Variants in MPPED2 observed in about 807,000 individuals in gnomAD.
MPPED2 encodes the protein metallophosphoesterase domain containing 2.
MPPED2 carries 5 observed loss-of-function variants against 33.0 expected under a neutral mutation model. That is an observed-to-expected ratio of 0.15 (90% CI 0.08 to 0.32). MPPED2 has a LOEUF of 0.32. Ranked by LOEUF, MPPED2 falls within the 10% of genes least tolerant of loss-of-function variation. The pLI, the probability that MPPED2 is intolerant of heterozygous loss-of-function variation, is 1.00. For synonymous variants in MPPED2, 136 were observed against 141.9 expected (o/e 0.96, Z 0.29); for missense variants, 275 against 372.1 (o/e 0.74, Z 2.15).
intron 4 of MPPED2, among the ~76,000 whole-genome samples, chr11:30,484,873 C>T (rs936859931): frequency 6.6e-6 from 1 of 152,284 alleles, no homozygotes; most frequent in African/African-American, 2.4e-5. Flanking sequence ...CACCAATACA[C>T]AAACAGGGGT....
intron 4 of MPPED2, among the ~76,000 whole-genome samples, chr11:30,462,086 A>G (rs554290583): frequency 4.3e-4 from 65 of 152,326 alleles, no homozygotes; most frequent in African/African-American, 1.5e-3. Flanking sequence ...TCAATACAAT[A>G]ATCTGCGTTA....
chr11:30,435,953 C>T (rs1417863472), intron 4 of MPPED2, among the ~76,000 whole-genome samples: 2 of 151,948 alleles, frequency 1.3e-5, no homozygotes, highest in Non-Finnish European at 2.9e-5. Flanking sequence ...AACCAAGAGA[C>T]CTGGGTTTGC....
intron 4 of MPPED2, among the ~76,000 whole-genome samples, chr11:30,458,384 C>G (rs1263241794): frequency 2.0e-5 from 3 of 152,070 alleles, no homozygotes; most frequent in Non-Finnish European, 4.4e-5. Context: ...TTGGAGTCTC[C>G]CTAAGTTTCA....
At chr11:30,409,738 CT>C (rs1385665559), downstream of MPPED2, among the ~76,000 whole-genome samples, 1 of 152,120 alleles carries the variant, frequency 6.6e-6, no homozygotes, top group Non-Finnish European at 1.5e-5. Flanking sequence ...TGGGTGATGT[CT>C]TTTTTATTTT....
intron 3 of MPPED2, among the ~76,000 whole-genome samples, chr11:30,517,017 AAAC>A (rs1708605576): frequency 6.6e-6 from 1 of 152,208 alleles, no homozygotes. Context: ...AATGGCGATA[AAAC>A]AACAACAAAA....
chr11:30,480,881 C>G (rs1048059425), intron 4 of MPPED2, among the ~76,000 whole-genome samples: 1 of 152,034 alleles, frequency 6.6e-6, no homozygotes, highest in South Asian at 2.1e-4. Context: ...AACTATCACT[C>G]AGTTAGCCCA....
chr11:30,470,510 T>A (rs71482070), intron 4 of MPPED2, among the ~76,000 whole-genome samples: 11,669 of 152,166 alleles, frequency 0.077, 578 homozygotes, highest in Non-Finnish European at 0.11. Context: ...GATGAAAACA[T>A]CCTAAAATTG....
chr11:30,548,085 C>A (rs1955520794), intron 2 of MPPED2, among the ~76,000 whole-genome samples: 1 of 152,206 alleles, frequency 6.6e-6, no homozygotes, highest in African/African-American at 2.4e-5. Context: ...ATGGCTTTCC[C>A]ACTACCTGGG....
At chr11:30,556,330 A>G (rs1312178472) in intron 2 of MPPED2, among the ~76,000 whole-genome samples, 1 of 152,080 alleles carries the variant, frequency 6.6e-6, no homozygotes, top group Non-Finnish European at 1.5e-5. Flanking sequence ...CCAACCTCCA[A>G]ACAATGAATT....
Position 30,417,511 on chromosome 11 carries a change from C to T in MPPED2, c.652+7G>A, listed in dbSNP as rs375647995. ...GGATGACAAAGGACAACCTTTGCTT[C>T]ACTTACCTAGAGGAGGTCCATGTGT... On this transcript the variant is annotated splice_region_variant and intron_variant, in intron 5 of 6. Transcript: ENST00000358117. The T allele has an allele frequency of 2.6e-6, 4 of 1,559,130 alleles. No homozygotes were observed. Among genetic ancestry groups the T allele is most frequent in the Non-Finnish European group, 2.7e-6 (3 of 1,131,760 alleles).
At chr11:30,408,344 T>G (rs1948022292), downstream of MPPED2, among the ~76,000 whole-genome samples, 1 of 152,142 alleles carries the variant, frequency 6.6e-6, no homozygotes, top group Non-Finnish European at 1.5e-5. Flanking sequence ...AGAGTTTTGC[T>G]CATCTCCCAG....
intron 4 of MPPED2, among the ~76,000 whole-genome samples, chr11:30,421,086 G>A (rs1948590500): frequency 6.6e-6 from 1 of 152,134 alleles, no homozygotes; most frequent in African/African-American, 2.4e-5. Flanking sequence ...CAAGTCTCAA[G>A]CACACTCAGG....
At chr11:30,451,013 C>T (rs1950035264) in intron 4 of MPPED2, among the ~76,000 whole-genome samples, 1 of 152,154 alleles carries the variant, frequency 6.6e-6, no homozygotes, top group South Asian at 2.1e-4. Flanking sequence ...TCTGTGAGCA[C>T]AATTGTATCA....
intron 4 of MPPED2, among the ~76,000 whole-genome samples, chr11:30,426,718 C>CT (rs368277055): frequency 1.3e-5 from 2 of 152,174 alleles, no homozygotes; most frequent in African/African-American, 4.8e-5. Flanking sequence ...CTTTGGCCTT[C>CT]TTTTTTAAAT....
intron 4 of MPPED2, among the ~76,000 whole-genome samples, chr11:30,442,469 G>A (rs1949622155): frequency 6.6e-6 from 1 of 152,156 alleles, no homozygotes; most frequent in African/African-American, 2.4e-5. Flanking sequence ...ACCATATCAA[G>A]GTCTGATCAG....
chr11:30,407,730 G>C (rs1948011981), downstream of MPPED2, among the ~76,000 whole-genome samples: 1 of 152,042 alleles, frequency 6.6e-6, no homozygotes, highest in Admixed American at 6.6e-5. Flanking sequence ...AATTAGCTGG[G>C]CGCGGTGGCA....
At chr11:30,463,160 G>A (rs1033261436) in intron 4 of MPPED2, among the ~76,000 whole-genome samples, 2 of 152,194 alleles carry the variant, frequency 1.3e-5, no homozygotes, top group African/African-American at 4.8e-5. Flanking sequence ...AGGTTTTCTC[G>A]GCTATCCACT....
At chr11:30,418,635 C>G (rs1228240192) in intron 4 of MPPED2, among the ~76,000 whole-genome samples, 1 of 152,220 alleles carries the variant, frequency 6.6e-6, no homozygotes, top group Non-Finnish European at 1.5e-5. Flanking sequence ...ATGTAACAGA[C>G]AAGTCGGTCA....
chr11:30,577,299 C>T (rs530586076), intron 2 of MPPED2, among the ~76,000 whole-genome samples: 6 of 152,236 alleles, frequency 3.9e-5, no homozygotes, highest in Admixed American at 3.3e-4. Flanking sequence ...ACTACCATCA[C>T]AAGGCTGTAG....
Sources: allele counts gnomAD v4.1 joint callset (sites outside exome capture counted in the v4.1 genomes callset), GRCh38; gene constraint gnomAD v4.1.1; transcripts MANE v1.5; gene names NCBI Gene and HGNC (gene_info 2026-07-23, HGNC 2026-07-21).